HDAC4: variants seen among roughly 807,000 people sequenced by gnomAD.
HDAC4 encodes histone deacetylase 4.
Under a neutral mutation model 135.1 loss-of-function variants are expected in HDAC4, and 16 were observed. The observed-to-expected ratio is 0.12, with a 90% CI of 0.08 to 0.18. The LOEUF (loss-of-function observed/expected upper bound fraction) is 0.18. HDAC4 is among the 10% of genes least tolerant of loss of function. HDAC4 has a pLI of 1.00. For missense variants in HDAC4, 1,143 were observed against 1,511.8 expected, an observed-to-expected ratio of 0.76 and a Z score of 4.05; for synonymous variants, 685 against 653.4, an observed-to-expected ratio of 1.05 and a Z score of -0.74.
intron 1 of HDAC4, among the ~76,000 whole-genome samples, chr2:239,377,059 G>A (rs528679107): frequency 5.9e-5 from 9 of 152,180 alleles, no homozygotes; most frequent in South Asian, 2.1e-4. Context: ...ACCCGTGAGC[G>A]TGCTTCAGAG....
intron 7 of HDAC4, among the ~76,000 whole-genome samples, chr2:239,151,388 C>T (rs2042109243): frequency 6.6e-6 from 1 of 152,214 alleles, no homozygotes; most frequent in Admixed American, 6.5e-5. Flanking sequence ...CTGTGCTCTT[C>T]CTCACCAAGC....
chr2:239,399,149 G>A (rs546705561), intron 1 of HDAC4, among the ~76,000 whole-genome samples: 3 of 152,228 alleles, frequency 2.0e-5, no homozygotes, highest in African/African-American at 7.2e-5. Context: ...TTAAAAATAG[G>A]TAATTGAACA....
At chr2:239,090,211 G>A (rs927230931) in intron 17 of HDAC4, 95 bp from the exon 18 acceptor site, 1 of 872,888 alleles carries the variant, frequency 1.1e-6, no homozygotes, top group African/African-American at 1.7e-5. Flanking sequence ...CGTGGGCTCT[G>A]CTTCTGAAAC....
intron 3 of HDAC4, among the ~76,000 whole-genome samples, chr2:239,233,370 A>C (rs760548447): frequency 1.3e-5 from 2 of 152,130 alleles, no homozygotes; most frequent in African/African-American, 2.4e-5. Flanking sequence ...TGACACTCAA[A>C]GGCAATGCTC....
At position 239,181,574 on chromosome 2, in the gene HDAC4, A is replaced by G. The variant is rs540311693; in HGVS notation, c.340-5011T>C. 1.2e-4 allele frequency among the ~76,000 whole-genome samples: 19 copies of G among 152,376 alleles called. No homozygotes were observed. The South Asian group carries it at 3.9e-3, about 32-fold the overall frequency. On this transcript the variant is annotated intron_variant, in intron 4 of 26. Coordinates refer to ENST00000543185, the MANE Select transcript of HDAC4 (RefSeq NM_001378414.1). ...ATGAACTTCTTGGGGATGGTGGGAT[A>G]AACATAAGCAAGCTCTTGCCGTGTC...
Position 239,240,246 on chromosome 2 carries a change from G to A in HDAC4, c.23-3582C>T, listed in dbSNP as rs1244511697. ...TTTGGAACGGACCTAAACAAAGCGTGGCCAGTGGGGCAAAGAACGTCTGTC... is the reference window on the plus strand; with the variant it reads ...TTTGGAACGGACCTAAACAAAGCGTAGCCAGTGGGGCAAAGAACGTCTGTC... On this transcript the variant is annotated intron_variant, in intron 2 of 26. Coordinates refer to ENST00000543185, the MANE Select transcript of HDAC4 (RefSeq NM_001378414.1). The surrounding 1 kb of genome is among the most constrained non-coding windows in gnomAD (Gnocchi z 4.5). Among the ~76,000 whole-genome samples the A allele has an allele frequency of 6.6e-6, 1 of 152,260 alleles. No individual in the cohort carries two copies. Among genetic ancestry groups the A allele is most frequent in the African/African-American group, 2.4e-5 (1 of 41,466 alleles).
chr2:239,226,151 A>C (rs291335), intron 3 of HDAC4, among the ~76,000 whole-genome samples: 1 of 151,974 alleles, frequency 6.6e-6, no homozygotes, highest in Non-Finnish European at 1.5e-5. Context: ...TAAAGCACAC[A>C]AAGCTGGTAA....
intron 22 of HDAC4, among the ~76,000 whole-genome samples, chr2:239,077,272 T>G (rs181354903): frequency 1.3e-5 from 2 of 152,360 alleles, no homozygotes; most frequent in African/African-American, 4.8e-5. Flanking sequence ...TCGGGCTCTG[T>G]TCCTTCGGGA....
intron 3 of HDAC4, among the ~76,000 whole-genome samples, chr2:239,221,190 TAG>T (rs1023542980): frequency 2.0e-4 from 31 of 152,278 alleles, no homozygotes; most frequent in African/African-American, 7.0e-4. Context: ...GAATACCATT[TAG>T]AAGAATAAAA....
intron 16 of HDAC4, among the ~76,000 whole-genome samples, chr2:239,097,975 C>T (rs1265822724): frequency 3.3e-5 from 5 of 152,204 alleles, no homozygotes; most frequent in South Asian, 2.1e-4. Flanking sequence ...ATAATGCACG[C>T]GCTCAGCTAT....
At chr2:239,090,918 C>G (rs1246255950) in intron 17 of HDAC4, among the ~76,000 whole-genome samples, 1 of 152,234 alleles carries the variant, frequency 6.6e-6, no homozygotes, top group African/African-American at 2.4e-5. Context: ...TGACTTTCTC[C>G]TGTGCCGAGT....
chr2:239,188,784 G>A (rs911318706), intron 4 of HDAC4, among the ~76,000 whole-genome samples: 9 of 152,228 alleles, frequency 5.9e-5, no homozygotes, highest in African/African-American at 2.2e-4. Flanking sequence ...GCTTCCTCTC[G>A]GGTTGCTCCC....
chr2:239,198,713 A>C (rs2045564042), intron 3 of HDAC4, among the ~76,000 whole-genome samples: 1 of 152,174 alleles, frequency 6.6e-6, no homozygotes, highest in Admixed American at 6.5e-5. Context: ...CCAGGCTCTC[A>C]TTCGTGTCGC....
chr2:239,283,643 C>T (rs1344238224), intron 2 of HDAC4, among the ~76,000 whole-genome samples: 1 of 152,212 alleles, frequency 6.6e-6, no homozygotes, highest in Non-Finnish European at 1.5e-5. Flanking sequence ...TTTAATGTGA[C>T]TTATTTAGTC....
At chr2:239,182,569 C>T (rs2044221115) in intron 4 of HDAC4, among the ~76,000 whole-genome samples, 1 of 152,196 alleles carries the variant, frequency 6.6e-6, no homozygotes, top group Non-Finnish European at 1.5e-5. Flanking sequence ...TGATTCCCTA[C>T]CTGCCCCCGG....
At chr2:239,079,166 C>T (rs1160257233) in intron 22 of HDAC4, among the ~76,000 whole-genome samples, 3 of 152,156 alleles carry the variant, frequency 2.0e-5, no homozygotes, top group Non-Finnish European at 4.4e-5. Context: ...GCCAGGGGTC[C>T]GATTTCATAT....
At chr2:239,311,218 G>A (rs1427299387) in intron 2 of HDAC4, among the ~76,000 whole-genome samples, 1 of 152,122 alleles carries the variant, frequency 6.6e-6, no homozygotes, top group Non-Finnish European at 1.5e-5. Flanking sequence ...GGGCCAGGGG[G>A]ACGGCCTGGC....
At chr2:239,135,171 T>G (rs777914848) in intron 9 of HDAC4, among the ~76,000 whole-genome samples, 1 of 152,214 alleles carries the variant, frequency 6.6e-6, no homozygotes. Flanking sequence ...ACACTTCGCA[T>G]GACGTGATTA....
intron 3 of HDAC4, among the ~76,000 whole-genome samples, chr2:239,195,471 T>A (rs1394101642): frequency 6.6e-6 from 1 of 152,118 alleles, no homozygotes; most frequent in African/African-American, 2.4e-5. Flanking sequence ...GCCCAAGCTG[T>A]CCCAGGCCCG....
Sources: gnomAD v4.1 joint callset for allele counts (sites outside exome capture counted in the v4.1 genomes callset) on GRCh38, gnomAD v4.1.1 for gene constraint, Gnocchi (gnomAD v3.1) non-coding constraint, MANE v1.5 for transcripts, NCBI Gene and HGNC (gene_info 2026-07-23, HGNC 2026-07-21) for gene names.